Variants in PJA2 observed in about 807,000 individuals in gnomAD.
PJA2 encodes praja ring finger ubiquitin ligase 2, also known as E3 ubiquitin-protein ligase Praja-2.
In PJA2, 25 loss-of-function variants were observed where a neutral mutation model predicts 69.3. That is an observed-to-expected ratio of 0.36 (90% CI 0.26 to 0.50). PJA2 has a LOEUF of 0.50. Among genes scored for constraint, PJA2 ranks in the 20% least tolerant of loss-of-function variants. The pLI is 0.96. For missense variants in PJA2, 809 were observed against 830.2 expected (o/e 0.97, Z 0.31); for synonymous variants, 308 against 277.8 (o/e 1.11, Z -1.08).
chr5:109,340,267 AGAGAT>A (rs1340862058), intron 9 of PJA2, among the ~76,000 whole-genome samples: 1 of 152,222 alleles, frequency 6.6e-6, no homozygotes, highest in Non-Finnish European at 1.5e-5. Context: ...TATCTCATAC[AGAGAT>A]ATTTTATAAA....
At chr5:109,387,203 T>C (rs567311805) in intron 1 of PJA2, among the ~76,000 whole-genome samples, 1 of 152,326 alleles carries the variant, frequency 6.6e-6, no homozygotes, top group Admixed American at 6.5e-5. Flanking sequence ...TTTCTTATTC[T>C]GTGATTATTA....
At chr5:109,342,826 A>T (rs1582581414) in intron 9 of PJA2, among the ~76,000 whole-genome samples, 1 of 53,564 alleles carries the variant, frequency 1.9e-5, no homozygotes, top group Non-Finnish European at 3.6e-5. Flanking sequence ...TCCGGGAGGG[A>T]GGTTGGGGGG....
intron 1 of PJA2, among the ~76,000 whole-genome samples, chr5:109,409,588 G>T (rs886731824): frequency 1.3e-5 from 2 of 152,100 alleles, no homozygotes; most frequent in Non-Finnish European, 2.9e-5. Context: ...GTCGGGGGGC[G>T]GCGGGCGCGA....
At chr5:109,394,039 C>CTTTTTTT (rs75679188) in intron 1 of PJA2, among the ~76,000 whole-genome samples, 4 of 81,858 alleles carry the variant, frequency 4.9e-5, no homozygotes, top group Admixed American at 1.8e-4. Context: ...TTCTAATTCT[C>CTTTTTTT]TTTTTTTTTT....
In PJA2 at chr5:109,378,190, G is replaced by A. The variant is rs1561356281; in HGVS notation, c.1283+14C>T. The A allele has an allele frequency of 6.3e-7, 1 of 1,584,386 alleles. No individual in the cohort carries two copies. Among genetic ancestry groups the A allele is most frequent in the South Asian group, 1.1e-5 (1 of 87,402 alleles). On this transcript the variant is annotated intron_variant, in intron 4 of 9. Coordinates refer to ENST00000361189, the MANE Select transcript of PJA2 (RefSeq NM_014819.5). ...TTACTACACAATCGGAAAAAGTACT[G>A]GATGTGACCTTACCTATCTTCATCT...
chr5:109,345,248 T>G (rs918144258), intron 7 of PJA2, among the ~76,000 whole-genome samples: 1 of 148,768 alleles, frequency 6.7e-6, no homozygotes, highest in Non-Finnish European at 1.5e-5. Flanking sequence ...CCCAGCTACT[T>G]GGGAGGCTGA....
chr5:109,376,659 C>A (rs1169308326), intron 4 of PJA2, among the ~76,000 whole-genome samples: 1 of 151,988 alleles, frequency 6.6e-6, no homozygotes, highest in Non-Finnish European at 1.5e-5. Flanking sequence ...GCACCTTACA[C>A]TTTCAAAAAA....
Position 109,372,923 on chromosome 5 carries a change from A to AAAG in PJA2, c.1284-4178_1284-4177insCTT, listed in dbSNP as rs1554054556. Among the ~76,000 whole-genome samples the AAAG allele has an allele frequency of 3.0e-4, 41 of 136,876 alleles. 1 individual carries two copies. Among genetic ancestry groups the AAAG allele is most frequent in the African/African-American group, 9.1e-4 (33 of 36,130 alleles). The allele number at this position is 136,876 out of a possible 152,430, so 89.8% of individuals were successfully genotyped here. ...TCCGTCTCAAAAAAAAAAAAAAAAA[A>AAAG]AAAGAAAGAAAGAAAAAAAAATTAG... On this transcript the variant is annotated intron_variant, in intron 4 of 9. Coordinates refer to ENST00000361189, the MANE Select transcript of PJA2 (RefSeq NM_014819.5).
At chr5:109,370,946 C>T (rs962681814) in intron 4 of PJA2, among the ~76,000 whole-genome samples, 7 of 152,098 alleles carry the variant, frequency 4.6e-5, no homozygotes, top group Non-Finnish European at 1.0e-4. Flanking sequence ...TGGAATATCT[C>T]TAAACTTCAA....
chr5:109,386,902 T>A (rs963552134), intron 1 of PJA2, among the ~76,000 whole-genome samples: 1 of 152,206 alleles, frequency 6.6e-6, no homozygotes. Flanking sequence ...TGGTATTCTA[T>A]AATTTCACAA....
chr5:109,351,303 G>C (rs1487133199), intron 7 of PJA2, among the ~76,000 whole-genome samples: 2 of 152,038 alleles, frequency 1.3e-5, no homozygotes, highest in Non-Finnish European at 2.9e-5. Context: ...GTAAATTTAT[G>C]CTGAAATATG....
rs1339088906 is a variant in PJA2 at position 109,378,355 on chromosome 5, G to C, written c.1132C>G (p.Pro378Ala). ...DGEHDCMFLD[P>A]PYSRVITQRE... ...TGTGTAATAACTCTTGAGTATGGTG[G>C]ATCCAAGAACATACAGTCATGCTCT... Residue 378 changes from proline (P) to alanine (A), a missense_variant, in exon 4 of 10, where the codon CCA becomes GCA. Around this residue, in one of 4 missense-constraint regions of PJA2, gnomAD observed 700 missense variants for 639.5 expected, o/e 1.09. Coordinates refer to ENST00000361189, the MANE Select transcript of PJA2 (RefSeq NM_014819.5). The C allele has an allele frequency of 2.5e-6, 4 of 1,613,968 alleles. No homozygotes were observed. The highest frequency in any genetic ancestry group is 2.5e-6 in the Non-Finnish European group (3 of 1,180,014).
chr5:109,391,124 A>G (rs1223719626), intron 1 of PJA2, among the ~76,000 whole-genome samples: 3 of 152,192 alleles, frequency 2.0e-5, no homozygotes, highest in Non-Finnish European at 4.4e-5. Flanking sequence ...AAACGAAACC[A>G]GTTGAGCACT....
chr5:109,397,792 G>A lies in PJA2; in HGVS notation c.-88+12050C>T, dbSNP rs1747451099. ...ACCCAGCGTGGCCTCTCAAAATGCT[G>A]GGATTACAGGCGTGAGCCACGGTGA... On this transcript the variant is annotated intron_variant, in intron 1 of 9. Transcript: ENST00000361189. Among the ~76,000 whole-genome samples, 10 of 152,100 alleles carry A rather than the reference G, an allele frequency of 6.6e-5. No individual in the cohort carries two copies. In the South Asian group the frequency reaches 2.1e-3, roughly 31 times the overall value.
intron 2 of PJA2, 110 bp downstream of exon 2, chr5:109,383,293 G>A (rs1353060402): frequency 1.1e-6 from 1 of 879,380 alleles, no homozygotes; most frequent in African/African-American, 1.7e-5. Flanking sequence ...ATCAAAACCA[G>A]CCTTTTAGTA....
intron 4 of PJA2, among the ~76,000 whole-genome samples, chr5:109,373,162 A>C (rs1318088853): frequency 6.6e-6 from 1 of 152,118 alleles, no homozygotes; most frequent in Non-Finnish European, 1.5e-5. Context: ...ATAGTGACAG[A>C]ATAGAGACAG....
intron 6 of PJA2, among the ~76,000 whole-genome samples, chr5:109,360,628 T>C (rs1762490271): frequency 6.6e-6 from 1 of 152,168 alleles, no homozygotes; most frequent in Non-Finnish European, 1.5e-5. Flanking sequence ...AAGCAAATAA[T>C]GAGGTGTTGA....
chr5:109,403,012 A>G (rs1747595174), intron 1 of PJA2, among the ~76,000 whole-genome samples: 1 of 152,086 alleles, frequency 6.6e-6, no homozygotes, highest in African/African-American at 2.4e-5. Context: ...AACCCAAAGC[A>G]TATAGAAAGA....
At chr5:109,372,951 A>G in intron 4 of PJA2, among the ~76,000 whole-genome samples, 1 of 143,540 alleles carries the variant, frequency 7.0e-6, no homozygotes, top group African/African-American at 2.6e-5. Context: ...AAAATTAGCC[A>G]GGCATGGTGG....
Sources: allele counts gnomAD v4.1 joint callset (sites outside exome capture counted in the v4.1 genomes callset), GRCh38; gene constraint gnomAD v4.1.1; regional missense constraint gnomAD v4.1.1; transcripts MANE v1.5; gene names NCBI Gene and HGNC (gene_info 2026-07-23, HGNC 2026-07-21).